The following ZNF764 variants were observed in gnomAD, a reference collection of about 807,000 sequenced individuals.
The protein encoded by ZNF764 is zinc finger protein 764.
A neutral mutation model predicts 13.9 loss-of-function variants in ZNF764; 10 were observed. The observed-to-expected ratio is 0.72, with a 90% CI of 0.44 to 1.22. The LOEUF is 1.22. Among genes scored for constraint, ZNF764 ranks in the 50% most tolerant of loss-of-function variants. The probability of loss-of-function intolerance (pLI) is 0.00; values close to 1 mark genes in which losing one functional copy is unlikely to be tolerated. For missense variants in ZNF764, 647 were observed against 589.7 expected (o/e 1.10, Z -1.01); for synonymous variants, 313 against 255.1 (o/e 1.23, Z -2.16).
In ZNF764 at chr16:30,556,001, G is replaced by A. The variant is rs2051552820; in HGVS notation, c.417C>T (p.Pro139=). The A allele has an allele frequency of 5.0e-6, 8 of 1,612,532 alleles. No individual in the cohort carries two copies. In the African/African-American group the frequency reaches 1.1e-4, roughly 22 times the overall value. Residue 139 remains proline (P), a synonymous_variant, in exon 3 of 3, where the codon CCC becomes CCT. Coordinates refer to ENST00000395091, the MANE Select transcript of ZNF764 (RefSeq NM_001172679.2). ...GSPGLKSPQA[P]SAGPPYGWEQ... Reference sequence around the variant, plus strand: ...CCCAACCATAAGGGGGCCCGGCCGAGGGGGCTTGGGGAGACTTCAGCCCAG... The same window carrying A: ...CCCAACCATAAGGGGGCCCGGCCGAAGGGGCTTGGGGAGACTTCAGCCCAG...
intron 2 of ZNF764, among the ~76,000 whole-genome samples, chr16:30,557,201 G>A (rs1335190098): frequency 6.6e-6 from 1 of 151,964 alleles, no homozygotes; most frequent in African/African-American, 2.4e-5. Context: ...AGCTACTTGG[G>A]AGGTTGATAC....
Position 30,555,517 on chromosome 16 carries a change from G to A in ZNF764, c.901C>T (p.Leu301=), listed in dbSNP as rs749869811. The A allele has an allele frequency of 5.9e-6, 9 of 1,536,578 alleles. No individual in the cohort carries two copies. Among genetic ancestry groups the A allele is most frequent in the Middle Eastern group, 1.7e-4 (1 of 5,736 alleles). The change falls in exon 3 of 3, where the codon CTG becomes TTG. Residue 301 remains leucine, a synonymous_variant. Coordinates refer to ENST00000395091, the MANE Select transcript of ZNF764 (RefSeq NM_001172679.2). ...CGRAFAYPSD[L]RRHVRTHTGE... Reference sequence around the variant, plus strand: ...GTGTGGGTGCGCACGTGGCGCCGCAGGTCCGAGGGGTAGGCGAAGGCGCGG... The same window carrying A: ...GTGTGGGTGCGCACGTGGCGCCGCAAGTCCGAGGGGTAGGCGAAGGCGCGG...
chr16:30,556,204 G>T, intron 2 of ZNF764, 97 bp from the exon 3 acceptor site: 2 of 1,428,088 alleles, frequency 1.4e-6, no homozygotes, highest in Non-Finnish European at 1.9e-6. Flanking sequence ...CTGGATCCCC[G>T]GCTGCTCCTG....
In ZNF764 at chr16:30,558,045, C is replaced by A; in HGVS notation, c.138G>T (p.Ala46=). 1.9e-6 allele frequency: 3 copies of A among 1,611,802 alleles called. No individual in the cohort carries two copies. Among genetic ancestry groups the A allele is most frequent in the Non-Finnish European group, 1.7e-6 (2 of 1,179,314 alleles). ...CREEWGCLRP[A]QRALYRDVMR... ...TCACGTCCCGGTACAGGGCCCTCTG[C>A]GCTGGCCGCAAGCAGCCCCACTCCT... Residue 46 remains alanine, a synonymous_variant, in exon 1 of 3, where the codon GCG becomes GCT. Transcript: ENST00000395091.
rs377503126 is a variant in ZNF764, at chr16:30,556,577, TAA to T, written c.311-472_311-471del. ...AGGTGGAGGTAGAGTCAACAGAGTT[TAA>T]GAGACTGGGCGTGGGGGCTCAAGGC... On this transcript the variant is annotated intron_variant, in intron 2 of 2. Transcript: ENST00000395091. Among the ~76,000 whole-genome samples the T allele has an allele frequency of 1.6e-4, 25 of 151,892 alleles. No homozygotes were observed. The East Asian group carries it at 4.3e-3, about 26-fold the overall frequency.
rs375358467 is a variant in ZNF764 at position 30,555,164 on chromosome 16, G to C, written c.*30C>G. ...CCCCTGAGCCCATCTCGGGCCTCCC[G>C]TAATGTCTAGATAGTCACTTTTAAG... On this transcript the variant is annotated 3_prime_UTR_variant, in exon 3 of 3. Coordinates refer to ENST00000395091, the MANE Select transcript of ZNF764 (RefSeq NM_001172679.2). The C allele has an allele frequency of 2.0e-4, 313 of 1,568,592 alleles. 2 individuals are homozygous for C. The highest frequency in any genetic ancestry group is 2.8e-4 in the Admixed American group (15 of 52,858).
At chr16:30,556,336 A>G (rs2151225650) in intron 2 of ZNF764, among the ~76,000 whole-genome samples, 1 of 152,172 alleles carries the variant, frequency 6.6e-6, no homozygotes, top group East Asian at 1.9e-4. Flanking sequence ...CAGAGATGAC[A>G]TGAACATCTG....
In ZNF764 at chr16:30,555,588, C is replaced by A; in HGVS notation, c.830G>T (p.Arg277Leu). ...FSQSSALYQH[R>L]RVHSGETPFP... is the part of the protein sequence containing the mutation. Reference sequence around the variant, plus strand: ...GGGGGTCTCGCCGCTGTGCACGCGCCGGTGCTGGTAGAGGGCAGAGCTCTG... The same window carrying A: ...GGGGGTCTCGCCGCTGTGCACGCGCAGGTGCTGGTAGAGGGCAGAGCTCTG... Residue 277 changes from arginine to leucine, a missense_variant, in exon 3 of 3, where the codon CGG becomes CTG. Coordinates refer to ENST00000395091, the MANE Select transcript of ZNF764 (RefSeq NM_001172679.2). 6.5e-7 allele frequency: 1 copy of A among 1,543,954 alleles called. No homozygotes were observed. Among genetic ancestry groups the A allele is most frequent in the Non-Finnish European group, 8.7e-7 (1 of 1,150,164 alleles).
rs1187875098 is a variant in ZNF764, at chr16:30,555,727, G to A, written c.691C>T (p.Arg231Cys). The change falls in exon 3 of 3, where the codon CGC (arginine) becomes TGC (cysteine). Residue 231 changes from arginine to cysteine, a missense_variant. Transcript: ENST00000395091. ...AAGGCCCGGCCACACTCCAGACAGC[G>A]GTGGGGCCGCTCCCCACGATGGATG... ...RAIHRGERPH[R>C]CLECGRAFTQ... 3.1e-6 allele frequency: 5 copies of A among 1,596,976 alleles called. No individual in the cohort carries two copies. The highest frequency in any genetic ancestry group is 2.2e-4 in the Middle Eastern group (1 of 4,632).
At chr16:30,557,328 C>A (rs544628116) in intron 2 of ZNF764, among the ~76,000 whole-genome samples, 30 of 151,928 alleles carry the variant, frequency 2.0e-4, no homozygotes, top group Admixed American at 5.9e-4. Context: ...ACCCAGGCTT[C>A]GTGGCGAGCA....
At chr16:30,556,199 TC>T in intron 2 of ZNF764, 92 bp from the exon 3 acceptor site, 1 of 1,467,354 alleles carries the variant, frequency 6.8e-7, no homozygotes, top group Non-Finnish European at 9.4e-7. Flanking sequence ...GCCTGCTGGA[TC>T]CCCGGCTGCT....
At position 30,554,318 on chromosome 16, in the gene ZNF764, TAA is replaced by T. The variant is rs1210604505; in HGVS notation, c.*874_*875del. 6.6e-6 allele frequency: 1 copy of T among 152,120 alleles called. No homozygotes were observed. Among genetic ancestry groups the T allele is most frequent in the African/African-American group, 2.4e-5 (1 of 41,410 alleles). 9.4% of individuals were successfully genotyped at this position (152,120 alleles called of 1,614,324 possible). On this transcript the variant is annotated 3_prime_UTR_variant, in exon 3 of 3. Coordinates refer to ENST00000395091, the MANE Select transcript of ZNF764 (RefSeq NM_001172679.2). The stretch of plus-strand genomic sequence containing the variant: ...AGTCACAGGATTTTAACTTGGGCAG[TAA>T]AAAGACAATGGAGGTGGTGGGTGCC...
chr16:30,555,839 G>A lies in ZNF764; in HGVS notation c.579C>T (p.Val193=). The change falls in exon 3 of 3, where the codon GTC becomes GTT. Residue 193 remains valine, a synonymous_variant. Transcript: ENST00000395091. ...AGGGCTTCTCGCCAGTGTGACTGTA[G>A]ACGTGCTCCACCAGTGTGGAGCGCC... is the stretch of plus-strand genomic sequence containing the variant. ...FAWRSTLVEH[V]YSHTGEKPFH... is the part of the protein sequence containing the mutation. The A allele has an allele frequency of 6.2e-7, 1 of 1,612,368 alleles. No individual in the cohort carries two copies. Among genetic ancestry groups the A allele is most frequent in the Non-Finnish European group, 8.5e-7 (1 of 1,179,916 alleles).
intron 2 of ZNF764, among the ~76,000 whole-genome samples, chr16:30,556,590 G>T (rs925038171): frequency 1.3e-5 from 2 of 152,078 alleles, no homozygotes; most frequent in Non-Finnish European, 2.9e-5. Flanking sequence ...GAGACTGGGC[G>T]TGGGGGCTCA....
chr16:30,556,751 G>A (rs1219447807), intron 2 of ZNF764, among the ~76,000 whole-genome samples: 1 of 152,042 alleles, frequency 6.6e-6, no homozygotes, highest in Non-Finnish European at 1.5e-5. Context: ...GACGCAGTGG[G>A]TCACTTTGGA....
At position 30,554,913 on chromosome 16, in the gene ZNF764, A is replaced by G; in HGVS notation, c.*281T>C. ...GGTTCTCCTCTACCTCAGTCCTCTTAGCACCTCTGGGCTGAGAAACAGCTT... is the reference window on the plus strand; with the variant it reads ...GGTTCTCCTCTACCTCAGTCCTCTTGGCACCTCTGGGCTGAGAAACAGCTT... On this transcript the variant is annotated 3_prime_UTR_variant, in exon 3 of 3. Transcript: ENST00000395091. The G allele has an allele frequency of 2.3e-6, 1 of 426,354 alleles. No individual in the cohort carries two copies. The highest frequency in any genetic ancestry group is 4.1e-6 in the Non-Finnish European group (1 of 244,502). The allele number at this position is 426,354 out of a possible 1,614,324, so 26.4% of individuals were successfully genotyped here. A position where few individuals can be genotyped will look rare whatever the true frequency, so the allele number is the denominator to read the frequency against.
In ZNF764 at chr16:30,557,788, C is replaced by T; in HGVS notation, c.255G>A (p.Trp85Ter). 2 of 1,613,244 alleles carry T rather than the reference C, an allele frequency of 1.2e-6. No individual in the cohort carries two copies. Among genetic ancestry groups the T allele is most frequent in the East Asian group, 2.2e-5 (1 of 44,810 alleles). ...ISWVEEEAEL[W>*]GPAAQDPEVA... The stretch of plus-strand genomic sequence containing the variant: ...CCTCCGGATCCTGGGCAGCCGGACC[C>T]CACAGTTCGGCCTCCTCCTCCACCC... Residue 85 changes from tryptophan to a stop codon, truncating the protein, a stop_gained, in exon 2 of 3, where the codon TGG (tryptophan) becomes TGA (stop). Coordinates refer to ENST00000395091, the MANE Select transcript of ZNF764 (RefSeq NM_001172679.2). LOFTEE classifies it high-confidence loss of function.
In ZNF764 at chr16:30,555,825, C is replaced by T. The variant is rs200568262; in HGVS notation, c.593G>A (p.Gly198Asp). Residue 198 changes from glycine to aspartate, a missense_variant, in exon 3 of 3, where the codon GGC becomes GAC. Transcript: ENST00000395091. ...TLVEHVYSHT[G>D]EKPFHCTDCG... ...GTCAGTGCAGTGGAAGGGCTTCTCGCCAGTGTGACTGTAGACGTGCTCCAC... is the reference window on the plus strand; with the variant it reads ...GTCAGTGCAGTGGAAGGGCTTCTCGTCAGTGTGACTGTAGACGTGCTCCAC... The T allele has an allele frequency of 3.4e-4, 552 of 1,611,920 alleles. 2 individuals carry two copies. Among genetic ancestry groups the T allele is most frequent in the Non-Finnish European group, 4.5e-4 (530 of 1,179,926 alleles).
At position 30,555,498 on chromosome 16, in the gene ZNF764, G is replaced by C; in HGVS notation, c.920C>G (p.Thr307Ser). 6.5e-7 allele frequency: 1 copy of C among 1,541,304 alleles called. No homozygotes were observed. Among genetic ancestry groups the C allele is most frequent in the Non-Finnish European group, 8.7e-7 (1 of 1,149,088 alleles). The change falls in exon 3 of 3, where the codon ACC (threonine) becomes AGC (serine). Residue 307 changes from threonine to serine, a missense_variant. Thr to Ser is a moderately conservative substitution (Grantham distance 58, BLOSUM62 1). Coordinates refer to ENST00000395091, the MANE Select transcript of ZNF764 (RefSeq NM_001172679.2). ...CGGGTAGGGCTTCTCGCCGGTGTGG[G>C]TGCGCACGTGGCGCCGCAGGTCCGA... ...YPSDLRRHVR[T>S]HTGEKPYPCP... is the part of the protein sequence containing the mutation.
Sources: gnomAD v4.1 joint callset for allele counts (sites outside exome capture counted in the v4.1 genomes callset) on GRCh38, gnomAD v4.1.1 for gene constraint, MANE v1.5 for transcripts, NCBI Gene and HGNC (gene_info 2026-07-23, HGNC 2026-07-21) for gene names.